The following KCNJ3 variants were observed in gnomAD, a reference collection of about 807,000 sequenced individuals.
The protein encoded by KCNJ3 is G protein-activated inward rectifier potassium channel 1.
KCNJ3 carries 4 observed loss-of-function variants against 39.2 expected under a neutral mutation model. That is an observed-to-expected ratio of 0.10 (90% CI 0.05 to 0.23). The LOEUF (loss-of-function observed/expected upper bound fraction) is 0.23. Among genes scored for constraint, KCNJ3 ranks in the 10% least tolerant of loss-of-function variants. The pLI, the probability that KCNJ3 is intolerant of heterozygous loss-of-function variation, is 1.00. For synonymous variants in KCNJ3, 230 were observed against 237.4 expected (o/e 0.97, Z 0.29); for missense variants, 276 against 634.9 (o/e 0.43, Z 6.08).
intron 2 of KCNJ3, among the ~76,000 whole-genome samples, chr2:154,805,367 C>G (rs1356005452): frequency 1.3e-5 from 2 of 151,986 alleles, no homozygotes; most frequent in Non-Finnish European, 2.9e-5. Flanking sequence ...GAACGCCGGG[C>G]TGAAATGAAG....
chr2:154,819,970 GCT>G (rs1317060851), intron 2 of KCNJ3, among the ~76,000 whole-genome samples: 7 of 151,814 alleles, frequency 4.6e-5, no homozygotes, highest in African/African-American at 1.5e-4. Context: ...CAAGCTGTGT[GCT>G]TTGCATTTGT....
chr2:154,782,077 C>G (rs1457794511), intron 2 of KCNJ3, among the ~76,000 whole-genome samples: 1 of 152,082 alleles, frequency 6.6e-6, no homozygotes, highest in African/African-American at 2.4e-5. Flanking sequence ...TTTCGGGGTA[C>G]TTTTAGGAGC....
intron 2 of KCNJ3, among the ~76,000 whole-genome samples, chr2:154,851,482 T>C (rs1332695708): frequency 6.6e-6 from 1 of 152,216 alleles, no homozygotes; most frequent in African/African-American, 2.4e-5. Context: ...TTTCAAACTT[T>C]CAGTAGGTTT....
chr2:154,720,039 C>T (rs371202696), intron 2 of KCNJ3, among the ~76,000 whole-genome samples: 1 of 152,166 alleles, frequency 6.6e-6, no homozygotes, highest in East Asian at 1.9e-4. Context: ...AAAATCATAA[C>T]TGCACTTATT....
intron 2 of KCNJ3, among the ~76,000 whole-genome samples, chr2:154,730,621 TAAAG>T (rs1186433593): frequency 6.6e-6 from 1 of 152,088 alleles, no homozygotes; most frequent in African/African-American, 2.4e-5. Flanking sequence ...AAGGTATAAG[TAAAG>T]AAAACCTGCA....
Position 154,698,700 on chromosome 2 carries a change from CTTATT to C in KCNJ3, c.-75_-71del. On this transcript the variant is annotated 5_prime_UTR_variant, in exon 1 of 3. Transcript: ENST00000295101. The stretch of plus-strand genomic sequence containing the variant: ...CCCTTTCCTCCCCCGCCCCCACCTC[CTTATT>C]GGTGCTAGTTTGCAGCGCCCAGCTC... 1.2e-6 allele frequency: 1 copy of C among 856,930 alleles called. No individual in the cohort carries two copies. Among genetic ancestry groups the C allele is most frequent in the South Asian group, 1.6e-5 (1 of 63,318 alleles). The allele number at this position is 856,930 out of a possible 1,614,324, so 53.1% of individuals were successfully genotyped here. A position where few individuals can be genotyped will look rare whatever the true frequency, so the allele number is the denominator to read the frequency against.
At position 154,708,031 on chromosome 2, in the gene KCNJ3, T is replaced by C. The variant is rs191468468; in HGVS notation, c.703-1572T>C. Among the ~76,000 whole-genome samples, 204 of 152,290 alleles carry C rather than the reference T, an allele frequency of 1.3e-3. 1 individual carries two copies. Among genetic ancestry groups the C allele is most frequent in the Middle Eastern group, 3.4e-3 (1 of 294 alleles). On this transcript the variant is annotated intron_variant, in intron 1 of 2. Coordinates refer to ENST00000295101, the MANE Select transcript of KCNJ3 (RefSeq NM_002239.4). ...ACGCCTAGTTTTCTCCAACATTGGTTGCTAGAGCTGCTGTTTTAATTTTTG... is the reference window on the plus strand; with the variant it reads ...ACGCCTAGTTTTCTCCAACATTGGTCGCTAGAGCTGCTGTTTTAATTTTTG...
At chr2:154,767,745 C>T (rs563419557) in intron 2 of KCNJ3, among the ~76,000 whole-genome samples, 1 of 152,238 alleles carries the variant, frequency 6.6e-6, no homozygotes, top group South Asian at 2.1e-4. Flanking sequence ...AGTTCTAGAT[C>T]CTTGAGGAAT....
At chr2:154,748,893 A>G (rs1050319983) in intron 2 of KCNJ3, among the ~76,000 whole-genome samples, 2 of 152,138 alleles carry the variant, frequency 1.3e-5, no homozygotes, top group East Asian at 1.9e-4. Context: ...TGTCAGTTAC[A>G]TGACTTTTCC....
rs1166128253 is a variant in KCNJ3, at chr2:154,716,595, A to G, written c.919+6776A>G. ...TAACACATTATTAAAAAATGTTTCT[A>G]GCAGTCTGAATACTTTTATGAAAAT... On this transcript the variant is annotated intron_variant, in intron 2 of 2. Coordinates refer to ENST00000295101, the MANE Select transcript of KCNJ3 (RefSeq NM_002239.4). 2.6e-5 allele frequency among the ~76,000 whole-genome samples: 4 copies of G among 152,306 alleles called. No homozygotes were observed. The South Asian group carries it at 8.3e-4, about 32-fold the overall frequency.
chr2:154,733,594 C>G (rs542943094), intron 2 of KCNJ3, among the ~76,000 whole-genome samples: 1 of 152,212 alleles, frequency 6.6e-6, no homozygotes, highest in East Asian at 1.9e-4. Context: ...TGAAAAATTC[C>G]TTCTTGTCTT....
chr2:154,740,353 C>G (rs1019926651), intron 2 of KCNJ3, among the ~76,000 whole-genome samples: 1 of 151,996 alleles, frequency 6.6e-6, no homozygotes, highest in African/African-American at 2.4e-5. Context: ...GATTTTACCT[C>G]CCATCCCACA....
chr2:154,826,239 G>T (rs889308504), intron 2 of KCNJ3, among the ~76,000 whole-genome samples: 1 of 152,124 alleles, frequency 6.6e-6, no homozygotes, highest in African/African-American at 2.4e-5. Flanking sequence ...AAGGGGCACA[G>T]ATGAATAAGA....
At chr2:154,769,553 G>T (rs1686200635) in intron 2 of KCNJ3, among the ~76,000 whole-genome samples, 1 of 152,206 alleles carries the variant, frequency 6.6e-6, no homozygotes, top group Non-Finnish European at 1.5e-5. Flanking sequence ...GATCATGTTA[G>T]ATAAGCTTTT....
chr2:154,725,520 A>G (rs755851442), intron 2 of KCNJ3, among the ~76,000 whole-genome samples: 5 of 151,782 alleles, frequency 3.3e-5, no homozygotes, highest in Admixed American at 6.6e-5. Flanking sequence ...TCATGGTTCC[A>G]CTCCCAGTGT....
intron 2 of KCNJ3, among the ~76,000 whole-genome samples, chr2:154,829,272 C>T (rs1398128820): frequency 1.3e-5 from 2 of 152,064 alleles, no homozygotes; most frequent in Non-Finnish European, 2.9e-5. Flanking sequence ...CAATTCTCAC[C>T]CTCCTCCCAG....
chr2:154,834,118 C>G (rs1215605604), intron 2 of KCNJ3, among the ~76,000 whole-genome samples: 1 of 152,132 alleles, frequency 6.6e-6, no homozygotes, highest in Non-Finnish European at 1.5e-5. Context: ...AACTGGCAAA[C>G]TGTCTTCAAA....
chr2:154,742,455 G>A (rs1478149315), intron 2 of KCNJ3, among the ~76,000 whole-genome samples: 1 of 151,738 alleles, frequency 6.6e-6, no homozygotes, highest in African/African-American at 2.4e-5. Context: ...AACCACCATA[G>A]TCCTCCACAG....
chr2:154,708,545 G>C (rs1045722262), intron 1 of KCNJ3, among the ~76,000 whole-genome samples: 11 of 152,172 alleles, frequency 7.2e-5, no homozygotes, highest in African/African-American at 2.2e-4. Context: ...CCAGCAGTAT[G>C]CTCCACCTTC....
Sources: gnomAD v4.1 joint callset for allele counts (sites outside exome capture counted in the v4.1 genomes callset) on GRCh38, gnomAD v4.1.1 for gene constraint, MANE v1.5 for transcripts, NCBI Gene and HGNC (gene_info 2026-07-23, HGNC 2026-07-21) for gene names.